NXPH1: variants seen among roughly 807,000 people sequenced by gnomAD.
NXPH1 encodes the protein neurexophilin 1.
In NXPH1, 5 loss-of-function variants were observed where a neutral mutation model predicts 23.7. The observed-to-expected ratio is 0.21, with a 90% CI of 0.11 to 0.44. The LOEUF is 0.44. NXPH1 is among the 20% of genes least tolerant of loss of function. NXPH1 has a pLI of 0.99. For synonymous variants in NXPH1, 144 were observed against 122.2 expected (o/e 1.18, Z -1.18); for missense variants, 324 against 321.6 (o/e 1.01, Z -0.06).
intron 2 of NXPH1, among the ~76,000 whole-genome samples, chr7:8,600,792 G>A (rs936111517): frequency 6.6e-6 from 1 of 151,988 alleles, no homozygotes; most frequent in African/African-American, 2.4e-5. Flanking sequence ...CCATACAAAT[G>A]CAAACACTTT....
intron 2 of NXPH1, among the ~76,000 whole-genome samples, chr7:8,603,551 A>G (rs1197980517): frequency 6.6e-6 from 1 of 152,120 alleles, no homozygotes; most frequent in East Asian, 1.9e-4. Flanking sequence ...TTTGGGTATC[A>G]TGGGTCTTTA....
chr7:8,504,331 T>C (rs1817487122), intron 2 of NXPH1, among the ~76,000 whole-genome samples: 1 of 152,064 alleles, frequency 6.6e-6, no homozygotes, highest in Non-Finnish European at 1.5e-5. Context: ...TCTTGTTTCC[T>C]TTCTTTCATT....
chr7:8,622,965 A>C (rs1055073769), intron 2 of NXPH1, among the ~76,000 whole-genome samples: 1 of 152,198 alleles, frequency 6.6e-6, no homozygotes, highest in African/African-American at 2.4e-5. Context: ...ATTGTTATTA[A>C]TGAAGGAAGT....
Position 8,475,812 on chromosome 7 carries a change from CT to C in NXPH1, c.54+40046del, listed in dbSNP as rs1816960729. Among the ~76,000 whole-genome samples the C allele has an allele frequency of 2.6e-5, 4 of 152,256 alleles. 1 individual carries two copies. In the South Asian group the frequency reaches 8.3e-4, roughly 32 times the overall value. On this transcript the variant is annotated intron_variant, in intron 2 of 2. Coordinates refer to ENST00000405863, the MANE Select transcript of NXPH1 (RefSeq NM_152745.3). The stretch of plus-strand genomic sequence containing the variant: ...CATATATAATTATTGATTAGGAACA[CT>C]AAGCCATTTGATTGAAGTAAAATTT...
chr7:8,705,477 C>T (rs1779688157), intron 2 of NXPH1, among the ~76,000 whole-genome samples: 1 of 152,164 alleles, frequency 6.6e-6, no homozygotes, highest in Non-Finnish European at 1.5e-5. Flanking sequence ...AGATTAGTGC[C>T]ACCACCAAAA....
rs1016443414 is a variant in NXPH1, at chr7:8,520,412, G to A, written c.54+84645G>A. ...CTCCCTGCAGGAGGAGAAGCCAGAC[G>A]GAAGGTGGCTTTCTCTCAGCTCTGG... On this transcript the variant is annotated intron_variant, in intron 2 of 2. Coordinates refer to ENST00000405863, the MANE Select transcript of NXPH1 (RefSeq NM_152745.3). 7.2e-5 allele frequency among the ~76,000 whole-genome samples: 11 copies of A among 152,166 alleles called. No individual in the cohort carries two copies. In the East Asian group the frequency reaches 9.6e-4, roughly 13 times the overall value.
chr7:8,570,529 C>T (rs1040208296), intron 2 of NXPH1, among the ~76,000 whole-genome samples: 8 of 151,986 alleles, frequency 5.3e-5, no homozygotes, highest in African/African-American at 1.2e-4. Context: ...AAGTGATGTG[C>T]GAAGGCACCC....
chr7:8,742,741 C>T (rs779262241), intron 2 of NXPH1, among the ~76,000 whole-genome samples: 5 of 152,088 alleles, frequency 3.3e-5, no homozygotes, highest in Non-Finnish European at 5.9e-5. Context: ...ACATCTTTTA[C>T]ATTTTATTTT....
intron 2 of NXPH1, among the ~76,000 whole-genome samples, chr7:8,655,698 G>A (rs1399112818): frequency 1.3e-5 from 2 of 152,122 alleles, no homozygotes; most frequent in African/African-American, 2.4e-5. Context: ...TCTATGCAGA[G>A]AAGAGAATAA....
At chr7:8,627,241 C>T (rs1820011958) in intron 2 of NXPH1, among the ~76,000 whole-genome samples, 1 of 151,966 alleles carries the variant, frequency 6.6e-6, no homozygotes. Flanking sequence ...TCATGCATGA[C>T]CTCGGGCAAG....
At chr7:8,591,505 A>G (rs1004611957) in intron 2 of NXPH1, among the ~76,000 whole-genome samples, 3 of 152,092 alleles carry the variant, frequency 2.0e-5, no homozygotes, top group Admixed American at 1.3e-4. Flanking sequence ...TTGAAGTTTT[A>G]TCATGCTTTA....
chr7:8,750,913 T>C (rs914933941), intron 2 of NXPH1, 95 bp from the exon 3 acceptor site: 31 of 1,253,458 alleles, frequency 2.5e-5, no homozygotes, highest in Non-Finnish European at 3.3e-5. Context: ...AGTGTAATTA[T>C]TTAATCCTGA....
chr7:8,682,453 T>C (rs1324860621), intron 2 of NXPH1, among the ~76,000 whole-genome samples: 1 of 152,172 alleles, frequency 6.6e-6, no homozygotes, highest in Non-Finnish European at 1.5e-5. Flanking sequence ...TGATTATATT[T>C]TAATATTTAA....
At chr7:8,682,846 G>C (rs1036775538) in intron 2 of NXPH1, among the ~76,000 whole-genome samples, 8 of 152,216 alleles carry the variant, frequency 5.3e-5, no homozygotes, top group Non-Finnish European at 1.0e-4. Context: ...CAAGTCATTA[G>C]AATGTGATGT....
chr7:8,717,014 C>T (rs1393775856), intron 2 of NXPH1, among the ~76,000 whole-genome samples: 1 of 152,172 alleles, frequency 6.6e-6, no homozygotes, highest in East Asian at 1.9e-4. Flanking sequence ...TAGTTGTTAA[C>T]CATTTTGAAT....
chr7:8,751,830 A>T lies in NXPH1; in HGVS notation c.*61A>T. On this transcript the variant is annotated 3_prime_UTR_variant, in exon 3 of 3. Transcript: ENST00000405863. This position sits in a 1 kb window ranked among gnomAD's most constrained non-coding sequence, Gnocchi z 4.5. ...TTAAAGGTCATATGACAGGGCTGTT[A>T]CCTCAAAGAAGAAGGTCACATCTGT... 2.7e-6 allele frequency: 4 copies of T among 1,463,818 alleles called. No homozygotes were observed. The highest frequency in any genetic ancestry group is 3.6e-6 in the Non-Finnish European group (4 of 1,097,236). The allele number at this position is 1,463,818 out of a possible 1,614,324, so 90.7% of individuals were successfully genotyped here. A position where few individuals can be genotyped will look rare whatever the true frequency, so the allele number is the denominator to read the frequency against.
intron 2 of NXPH1, among the ~76,000 whole-genome samples, chr7:8,551,728 G>A (rs1187076098): frequency 1.3e-5 from 2 of 151,338 alleles, no homozygotes; most frequent in East Asian, 2.0e-4. Flanking sequence ...TACTGTAACT[G>A]CTCATTGTTT....
chr7:8,597,669 T>C (rs2128626643), intron 2 of NXPH1, among the ~76,000 whole-genome samples: 1 of 118,360 alleles, frequency 8.4e-6, no homozygotes, highest in East Asian at 2.7e-4. Flanking sequence ...CAGCTCTGCT[T>C]ATGTAGTCAG....
At chr7:8,595,267 A>C (rs1583179828) in intron 2 of NXPH1, among the ~76,000 whole-genome samples, 2 of 152,202 alleles carry the variant, frequency 1.3e-5, no homozygotes. Context: ...GAGCAACCCC[A>C]GTATAAGAAA....
Sources: allele counts gnomAD v4.1 joint callset (sites outside exome capture counted in the v4.1 genomes callset), GRCh38; gene constraint gnomAD v4.1.1; non-coding constraint Gnocchi (gnomAD v3.1); transcripts MANE v1.5; gene names NCBI Gene and HGNC (gene_info 2026-07-23, HGNC 2026-07-21).